The following ACTR3C variants were observed in gnomAD, a reference collection of about 807,000 sequenced individuals.
ACTR3C encodes the protein actin related protein 3C.
In ACTR3C, 18 loss-of-function variants were observed where a neutral mutation model predicts 26.3. The ratio of observed to expected loss-of-function variants is 0.68; its 90% confidence interval spans 0.47 to 1.01. The LOEUF is 1.01. Among genes scored for constraint, ACTR3C ranks in the 50% least tolerant of loss-of-function variants. The probability of loss-of-function intolerance (pLI) is 0.00; values close to 1 mark genes in which losing one functional copy is unlikely to be tolerated. For synonymous variants in ACTR3C, 55 were observed against 94.5 expected (o/e 0.58, Z 2.42); for missense variants, 184 against 250.7 (o/e 0.73, Z 1.80).
At chr7:149,914,762 G>A in the ACTR3C span, among the ~76,000 whole-genome samples, 1 of 151,938 alleles carries the variant, frequency 6.6e-6, no homozygotes, top group East Asian at 1.9e-4. Context: ...ATTAAGCCAA[G>A]GAGATCTACT....
At chr7:149,942,043 C>T in the ACTR3C span, among the ~76,000 whole-genome samples, 1 of 152,286 alleles carries the variant, frequency 6.6e-6, no homozygotes, top group East Asian at 1.9e-4. Context: ...CTGCAGAGGG[C>T]CTGAGCCACA....
chr7:149,899,872 T>A, the ACTR3C span, among the ~76,000 whole-genome samples: 1 of 126,210 alleles, frequency 7.9e-6, no homozygotes. Flanking sequence ...CCAAAACACA[T>A]TATACTCAAA....
chr7:150,213,687 A>G, the ACTR3C span, among the ~76,000 whole-genome samples: 1 of 151,970 alleles, frequency 6.6e-6, no homozygotes, highest in Non-Finnish European at 1.5e-5. Context: ...AGAAAAGGAG[A>G]CAGGAGGTAT....
chr7:149,946,470 T>A, the ACTR3C span, among the ~76,000 whole-genome samples: 2 of 152,294 alleles, frequency 1.3e-5, no homozygotes, highest in East Asian at 3.9e-4. Flanking sequence ...AAGCCACGTC[T>A]CCACGGAGCC....
chr7:149,946,047 A>G, the ACTR3C span, among the ~76,000 whole-genome samples: 1 of 152,168 alleles, frequency 6.6e-6, no homozygotes, highest in East Asian at 1.9e-4. Flanking sequence ...CATGGGGGGG[A>G]AAGCACTTTG....
the ACTR3C span, among the ~76,000 whole-genome samples, chr7:150,034,689 T>G: frequency 0.079 from 9,401 of 119,390 alleles, 18 homozygotes; most frequent in Non-Finnish European, 0.092. Flanking sequence ...GTCGGAAGAT[T>G]TGAACTTTCT....
the ACTR3C span, among the ~76,000 whole-genome samples, chr7:150,163,294 A>G: frequency 2.6e-5 from 4 of 152,028 alleles, no homozygotes; most frequent in African/African-American, 9.7e-5. Flanking sequence ...CTGGATAAAG[A>G]GTTTGTGTAT....
chr7:150,276,243 TAC>T (rs1348196873), intron 6 of ACTR3C, among the ~76,000 whole-genome samples: 5 of 152,086 alleles, frequency 3.3e-5, no homozygotes, highest in African/African-American at 1.2e-4. Flanking sequence ...ATTCCTGTAA[TAC>T]TAAGAGGCTC....
At chr7:149,949,393 GGGAAGGAAGGAAGGAA>G in the ACTR3C span, among the ~76,000 whole-genome samples, 8 of 133,904 alleles carry the variant, frequency 6.0e-5, no homozygotes, top group South Asian at 2.3e-4. Flanking sequence ...GAAGGAAGGA[GGGAAGGAAGGAAGGAA>G]GGAAGGAAGG....
At chr7:150,006,392 T>G in the ACTR3C span, among the ~76,000 whole-genome samples, 1 of 146,876 alleles carries the variant, frequency 6.8e-6, no homozygotes, top group East Asian at 2.0e-4. Flanking sequence ...AGAGACGGGG[T>G]TTCACTGTGT....
chr7:150,041,910 C>CG, the ACTR3C span, among the ~76,000 whole-genome samples: 4 of 85,116 alleles, frequency 4.7e-5, no homozygotes, highest in Non-Finnish European at 8.4e-5. Flanking sequence ...TCCTCAGAGC[C>CG]AGGGGGGGAA....
At chr7:150,323,316 C>CGT in intron 1 of ACTR3C, 153 bp downstream of exon 1, 1 of 266,216 alleles carries the variant, frequency 3.8e-6, no homozygotes, top group Non-Finnish European at 7.4e-6. Flanking sequence ...CCAGAGCGCC[C>CGT]ACTACGGCCT....
At chr7:150,049,186 C>T in the ACTR3C span, among the ~76,000 whole-genome samples, 1 of 152,204 alleles carries the variant, frequency 6.6e-6, no homozygotes, top group Non-Finnish European at 1.5e-5. Flanking sequence ...TCCTCCGCTC[C>T]AGGCCCGGCC....
the ACTR3C span, among the ~76,000 whole-genome samples, chr7:149,883,790 C>T: frequency 7.2e-5 from 11 of 152,276 alleles, no homozygotes; most frequent in South Asian, 2.1e-3. Context: ...CAATGAATGA[C>T]GAGCATTGAG....
chr7:149,940,824 T>G, the ACTR3C span, among the ~76,000 whole-genome samples: 1 of 148,632 alleles, frequency 6.7e-6, no homozygotes. Flanking sequence ...GGCGGGTGGG[T>G]AGAGGGTTGG....
At chr7:150,258,484 T>C (rs1483804952) in intron 6 of ACTR3C, among the ~76,000 whole-genome samples, 4 of 151,874 alleles carry the variant, frequency 2.6e-5, no homozygotes, top group East Asian at 1.9e-4. Context: ...AAATTAGAAA[T>C]TGTGGCTAAA....
the ACTR3C span, among the ~76,000 whole-genome samples, chr7:150,103,073 A>ATGTGTG: frequency 1.4e-5 from 2 of 146,964 alleles, no homozygotes; most frequent in Admixed American, 6.8e-5. Flanking sequence ...GTGTGTGTGT[A>ATGTGTG]TGTGTGTGTG....
the ACTR3C span, among the ~76,000 whole-genome samples, chr7:150,105,125 C>T: frequency 2.0e-4 from 30 of 150,612 alleles, 1 homozygote; most frequent in East Asian, 1.9e-3. Context: ...CTCTTTCACC[C>T]GGGCCAGACT....
the ACTR3C span, among the ~76,000 whole-genome samples, chr7:150,025,238 T>G: frequency 6.6e-6 from 1 of 151,040 alleles, no homozygotes; most frequent in East Asian, 1.9e-4. Flanking sequence ...CCAAGCCTCA[T>G]TGCACTTTTG....
Sources: allele counts gnomAD v4.1 joint callset (sites outside exome capture counted in the v4.1 genomes callset), GRCh38; gene constraint gnomAD v4.1.1; transcripts MANE v1.5; gene names NCBI Gene and HGNC (gene_info 2026-07-23, HGNC 2026-07-21).